Variants in APOB observed in about 807,000 individuals in gnomAD.
APOB encodes apolipoprotein B, also known as apolipoprotein B-100.
In APOB, 153 loss-of-function variants were observed where a neutral mutation model predicts 314.1. The observed-to-expected ratio is 0.49, with a 90% CI of 0.43 to 0.56. APOB has a LOEUF of 0.56. APOB is among the 20% of genes least tolerant of loss of function. APOB has a pLI of 0.00. For missense variants in APOB, 5,430 were observed against 5,350.7 expected, an observed-to-expected ratio of 1.01 and a Z score of -0.46; for synonymous variants, 2,087 against 2,036.4, an observed-to-expected ratio of 1.02 and a Z score of -0.67.
Position 21,016,515 on chromosome 2 carries a change from C to G in APOB, c.3256G>C (p.Gly1086Arg), listed in dbSNP as rs12720801. ...ILRVNDESTE[G>R]KTSYRLTLDI... ...AGGGTGAGTCTGTAAGACGTTTTGCCCTCAGTAGATTCATCATTAACTCTG... is the reference window on the plus strand; with the variant it reads ...AGGGTGAGTCTGTAAGACGTTTTGCGCTCAGTAGATTCATCATTAACTCTG... The change falls in exon 21 of 29, where the codon GGC becomes CGC. Residue 1086 changes from glycine to arginine, a missense_variant. Around this residue, in one of 3 missense-constraint regions of APOB, gnomAD observed 2,085 missense variants for 2,079.7 expected, o/e 1.00. Coordinates refer to ENST00000233242, the MANE Select transcript of APOB (RefSeq NM_000384.3). The G allele has an allele frequency of 1.2e-6, 2 of 1,610,672 alleles. No individual in the cohort carries two copies. Among genetic ancestry groups the G allele is most frequent in the South Asian group, 2.2e-5 (2 of 91,014 alleles).
In APOB at chr2:21,019,110, T is replaced by C; in HGVS notation, c.3003A>G (p.Leu1001=). 1 of 1,614,076 alleles carries C rather than the reference T, an allele frequency of 6.2e-7. No individual in the cohort carries two copies. The highest frequency in any genetic ancestry group is 8.5e-7 in the Non-Finnish European group (1 of 1,180,002). Reference sequence around the variant, plus strand: ...CTCCTGTAGGCCTCAGTTCCAGCTCTAATCTAAAGACATTACAATGAAGAC... The same window carrying C: ...CTCCTGTAGGCCTCAGTTCCAGCTCCAATCTAAAGACATTACAATGAAGAC... The part of the protein sequence containing the change: ...SYYPLTGDTR[L]ELELRPTGEI... The change falls in exon 20 of 29, where the codon TTA becomes TTG. Residue 1001 remains leucine (L), a synonymous_variant. Transcript: ENST00000233242.
chr2:21,015,576 G>C (rs758696106), intron 21 of APOB, 31 bp from the exon 22 acceptor site: 1 of 1,605,434 alleles, frequency 6.2e-7, no homozygotes, highest in African/African-American at 1.3e-5. Flanking sequence ...TGGCACCAAT[G>C]ATTTTGTCCT....
intron 20 of APOB, 64 bp from the exon 21 acceptor site, chr2:21,016,713 G>T (rs12713869): frequency 2.8e-6 from 3 of 1,077,068 alleles, no homozygotes; most frequent in Non-Finnish European, 4.3e-6. Context: ...GGCCGGGTGC[G>T]GTGGCTCACA....
At chr2:21,024,078 T>G (rs1663678071) in intron 16 of APOB, 1 of 160,722 alleles carries the variant, frequency 6.2e-6, no homozygotes, top group Non-Finnish European at 1.4e-5. Context: ...ATCAATTTTT[T>G]GAAACCAAAG....
chr2:21,021,433 C>A (rs1663604023), intron 18 of APOB, among the ~76,000 whole-genome samples: 2 of 152,148 alleles, frequency 1.3e-5, no homozygotes, highest in Admixed American at 1.3e-4. Flanking sequence ...CCTTCTCACC[C>A]ATCTTCCACA....
At position 21,006,281 on chromosome 2, in the gene APOB, T is replaced by C; in HGVS notation, c.10587A>G (p.Ser3529=). The C allele has an allele frequency of 6.2e-7, 1 of 1,614,102 alleles. No individual in the cohort carries two copies. Among genetic ancestry groups the C allele is most frequent in the Non-Finnish European group, 8.5e-7 (1 of 1,179,982 alleles). ...TTTTGGAAGTGCCCTGCAGCTTCACTGAAGACCGTGTGCTCTTGGAATTCA... is the reference window on the plus strand; with the variant it reads ...TTTTGGAAGTGCCCTGCAGCTTCACCGAAGACCGTGTGCTCTTGGAATTCA... The part of the protein sequence containing the change: ...TYLNSKSTRS[S]VKLQGTSKID... Residue 3529 remains serine, a synonymous_variant, in exon 26 of 29, where the codon TCA becomes TCG. Coordinates refer to ENST00000233242, the MANE Select transcript of APOB (RefSeq NM_000384.3).
At chr2:21,022,409 C>CT (rs1479569098) in intron 18 of APOB, among the ~76,000 whole-genome samples, 1 of 152,176 alleles carries the variant, frequency 6.6e-6, no homozygotes, top group Non-Finnish European at 1.5e-5. Context: ...GAGTTTCATG[C>CT]TTTACCTACC....
chr2:21,022,983 G>C lies in APOB; in HGVS notation c.2664C>G (p.Gly888=). The change falls in exon 18 of 29, where the codon GGC becomes GGG. Residue 888 remains glycine (G), a synonymous_variant. Coordinates refer to ENST00000233242, the MANE Select transcript of APOB (RefSeq NM_000384.3). ...TCCTAGCGAAGTCCGGAATGATGAT[G>C]CCCATATTTGTCACAAACTCCACAG... ...SVSVEFVTNM[G]IIIPDFARSG... is the part of the protein sequence containing the mutation. 6.2e-7 allele frequency: 1 copy of C among 1,614,162 alleles called. No individual in the cohort carries two copies. Among genetic ancestry groups the C allele is most frequent in the Non-Finnish European group, 8.5e-7 (1 of 1,180,014 alleles).
rs1430352666 is a variant in APOB, at chr2:21,011,559, A to G, written c.5309T>C (p.Leu1770Pro). The stretch of plus-strand genomic sequence containing the variant: ...CTTGTCAGAGCTGTAAATGTTGTCA[A>G]GTTTTGAAGAGAAGTCCAGTGATAA... ...AGLSLDFSSKLDNIYSSDKFY... is the reference protein window; with the variant it reads ...AGLSLDFSSKPDNIYSSDKFY... The change falls in exon 26 of 29, where the codon CTT becomes CCT. Residue 1770 changes from leucine to proline, a missense_variant. By Grantham distance (98) the Leu-to-Pro change is moderately conservative. Transcript: ENST00000233242. 6.2e-7 allele frequency: 1 copy of G among 1,614,060 alleles called. No homozygotes were observed. The highest frequency in any genetic ancestry group is 1.3e-5 in the African/African-American group (1 of 74,942).
chr2:21,043,937 CG>C lies in APOB; in HGVS notation c.8del (p.Pro3ArgfsTer90). 7.4e-7 allele frequency: 1 copy of C among 1,352,296 alleles called. No homozygotes were observed. The highest frequency in any genetic ancestry group is 9.5e-7 in the Non-Finnish European group (1 of 1,052,258). 83.8% of individuals were successfully genotyped at this position (1,352,296 alleles called of 1,614,324 possible). A position where few individuals can be genotyped will look rare whatever the true frequency, so the allele number is the denominator to read the frequency against. On this transcript the variant is annotated frameshift_variant, in exon 1 of 29. Transcript: ENST00000233242. LOFTEE classifies it high-confidence loss of function. The stretch of plus-strand genomic sequence containing the variant: ...GCAGCGCCAGCAGCGCGGGCCTCGG[CG>C]GGTCCATCGCCAGCTGCGGTGGGGC... MDPPRPALLALLA... is the reference protein window; with the variant it reads MDXPRPALLALLA...
Position 21,023,515 on chromosome 2 carries a change from A to G in APOB, c.2604+10T>C, listed in dbSNP as rs745506794. ...TAACCTAAGAAATCAAAAGGCAAAC[A>G]GAATCTTACGTTGGCTACTTCCAGT... is the stretch of plus-strand genomic sequence containing the variant. On this transcript the variant is annotated intron_variant, in intron 17 of 28. Coordinates refer to ENST00000233242, the MANE Select transcript of APOB (RefSeq NM_000384.3). 2 of 1,614,152 alleles carry G rather than the reference A, an allele frequency of 1.2e-6. No individual in the cohort carries two copies. Among genetic ancestry groups the G allele is most frequent in the Non-Finnish European group, 1.7e-6 (2 of 1,179,980 alleles).
Position 21,010,297 on chromosome 2 carries a change from A to G in APOB, c.6571T>C (p.Leu2191=), listed in dbSNP as rs1446843445. 1 of 1,548,872 alleles carries G rather than the reference A, an allele frequency of 6.5e-7. No individual in the cohort carries two copies. Among genetic ancestry groups the G allele is most frequent in the Admixed American group, 2.0e-5 (1 of 50,400 alleles). ...FDQYIKDSYD[L]HDLKIAIANI... ...GCAATAGCTATTTTCAAATCATGTA[A>G]ATCATAACTATCTTTAATATACTGA... The change falls in exon 26 of 29, where the codon TTA becomes CTA. Residue 2191 remains leucine, a synonymous_variant. Transcript: ENST00000233242.
rs1663903511 is a variant in APOB at position 21,032,431 on chromosome 2, C to T, written c.1275G>A (p.Gln425=). 1.2e-6 allele frequency: 2 copies of T among 1,614,006 alleles called. No individual in the cohort carries two copies. Among genetic ancestry groups the T allele is most frequent in the Non-Finnish European group, 8.5e-7 (1 of 1,180,032 alleles). The change falls in exon 10 of 29, where the codon CAG becomes CAA. Residue 425 remains glutamine, a synonymous_variant. Transcript: ENST00000233242. ...VALIPEPSAQ[Q]LREIFNMARD... is the part of the protein sequence containing the mutation. Reference sequence around the variant, plus strand: ...TCGCCATGTTGAAGATCTCTCGCAGCTGCTGTGCTGAGGGCTCGGGGATCA... The same window carrying T: ...TCGCCATGTTGAAGATCTCTCGCAGTTGCTGTGCTGAGGGCTCGGGGATCA...
chr2:21,014,694 G>T, intron 23 of APOB, 101 bp from the exon 24 acceptor site: 1 of 1,185,702 alleles, frequency 8.4e-7, no homozygotes, highest in Non-Finnish European at 1.2e-6. Context: ...TAATTATTAA[G>T]CTGGACAATG....
chr2:21,016,768 A>G, intron 20 of APOB, 119 bp from the exon 21 acceptor site: 1 of 722,948 alleles, frequency 1.4e-6, no homozygotes. Context: ...GCAGATCATG[A>G]GGTCAGGAGA....
chr2:21,005,701 C>T lies in APOB; in HGVS notation c.11167G>A (p.Val3723Ile). Reference sequence around the variant, plus strand: ...ATGAATTTATCAGCCAAAACTTTTACAGGGATGGAGAATGAATAGCCATTG... The same window carrying T: ...ATGAATTTATCAGCCAAAACTTTTATAGGGATGGAGAATGAATAGCCATTG... Reference protein sequence around the residue: ...NPNGYSFSIPVKVLADKFIIP... With the variant: ...NPNGYSFSIPIKVLADKFIIP... Residue 3723 changes from valine (V) to isoleucine (I), a missense_variant, in exon 26 of 29, where the codon GTA (valine) becomes ATA (isoleucine). This residue lies in a region of APOB where 3,281 missense variants were observed against 3,171.0 expected (regional missense o/e 1.03). Coordinates refer to ENST00000233242, the MANE Select transcript of APOB (RefSeq NM_000384.3). The T allele has an allele frequency of 1.9e-6, 3 of 1,613,926 alleles. No individual in the cohort carries two copies. The highest frequency in any genetic ancestry group is 2.5e-6 in the Non-Finnish European group (3 of 1,179,948).
At position 21,027,842 on chromosome 2, in the gene APOB, C is replaced by G. The variant is rs548321407; in HGVS notation, c.2053G>C (p.Ala685Pro). 1 of 1,613,554 alleles carries G rather than the reference C, an allele frequency of 6.2e-7. No individual in the cohort carries two copies. The highest frequency in any genetic ancestry group is 1.7e-5 in the Admixed American group (1 of 60,022). ...TTLTAFGFAS[A>P]DLIEIGLEGK... ...TTCACACTTACCTCGATGAGGTCAGCTGAAGCAAATCCAAAGGCAGTGAGG... is the reference window on the plus strand; with the variant it reads ...TTCACACTTACCTCGATGAGGTCAGGTGAAGCAAATCCAAAGGCAGTGAGG... The change falls in exon 14 of 29, where the codon GCT becomes CCT. Residue 685 changes from alanine (A) to proline (P), a missense_variant. Around this residue, in one of 3 missense-constraint regions of APOB, gnomAD observed 2,085 missense variants for 2,079.7 expected, o/e 1.00. Transcript: ENST00000233242.
rs752456311 is a variant in APOB at position 21,003,358 on chromosome 2, T to A, written c.12088-24A>T. 6 of 1,558,982 alleles carry A rather than the reference T, an allele frequency of 3.8e-6. No individual in the cohort carries two copies. In the African/African-American group the frequency reaches 4.1e-5, roughly 11 times the overall value. On this transcript the variant is annotated intron_variant, in intron 28 of 28. Coordinates refer to ENST00000233242, the MANE Select transcript of APOB (RefSeq NM_000384.3). ...GACTAAACAGAGAGAAAAAAAAAAATAACATGTTTTCAATTACTCCAATTA... is the reference window on the plus strand; with the variant it reads ...GACTAAACAGAGAGAAAAAAAAAAAAAACATGTTTTCAATTACTCCAATTA...
At chr2:21,027,224 T>C (rs1012065807) in intron 14 of APOB, among the ~76,000 whole-genome samples, 1 of 152,108 alleles carries the variant, frequency 6.6e-6, no homozygotes, top group African/African-American at 2.4e-5. Flanking sequence ...TTGGGAGTGA[T>C]TTGAGATTTG....
Sources: allele counts gnomAD v4.1 joint callset (sites outside exome capture counted in the v4.1 genomes callset), GRCh38; gene constraint gnomAD v4.1.1; regional missense constraint gnomAD v4.1.1; transcripts MANE v1.5; gene names NCBI Gene and HGNC (gene_info 2026-07-23, HGNC 2026-07-21).